Variants in ARK2C observed in about 807,000 individuals in gnomAD.
The protein encoded by ARK2C is arkadia (RNF111) C-terminal like ring finger ubiquitin ligase 2C.
chr18:46,452,622 A>T, the ARK2C span, among the ~76,000 whole-genome samples: 1 of 152,114 alleles, frequency 6.6e-6, no homozygotes, highest in African/African-American at 2.4e-5. Context: ...GCTCTACAAA[A>T]TAACATTTAT....
chr18:46,371,884 A>T, the ARK2C span, among the ~76,000 whole-genome samples: 1 of 152,204 alleles, frequency 6.6e-6, no homozygotes, highest in Non-Finnish European at 1.5e-5. Context: ...AGACTTAGAC[A>T]TAGGCTGGGA....
chr18:46,372,799 A>C, the ARK2C span, among the ~76,000 whole-genome samples: 1 of 152,246 alleles, frequency 6.6e-6, no homozygotes, highest in African/African-American at 2.4e-5. Flanking sequence ...GCCAAAATCC[A>C]TACGTTTCCT....
the ARK2C span, among the ~76,000 whole-genome samples, chr18:46,365,490 G>A: frequency 2.0e-5 from 3 of 152,084 alleles, no homozygotes; most frequent in Admixed American, 2.0e-4. Context: ...CTCATTTTGT[G>A]ATCTTGAATT....
chr18:46,451,686 TC>T, the ARK2C span, among the ~76,000 whole-genome samples: 1 of 152,160 alleles, frequency 6.6e-6, no homozygotes, highest in Non-Finnish European at 1.5e-5. Flanking sequence ...GAACTTGTAG[TC>T]CTAGTTACTA....
At chr18:46,458,244 C>G in the ARK2C span, 1 of 152,548 alleles carries the variant, frequency 6.6e-6, no homozygotes, top group Non-Finnish European at 1.5e-5. Flanking sequence ...TCCTGAACCC[C>G]AAAGGGAGCA....
At chr18:46,378,445 G>T in the ARK2C span, among the ~76,000 whole-genome samples, 7 of 152,308 alleles carry the variant, frequency 4.6e-5, no homozygotes. Flanking sequence ...CCACCGTGGA[G>T]GGGCAGCGTG....
the ARK2C span, among the ~76,000 whole-genome samples, chr18:46,341,459 G>A: frequency 1.8e-4 from 28 of 152,114 alleles, no homozygotes; most frequent in Non-Finnish European, 3.5e-4. Flanking sequence ...TTGGAGAGTA[G>A]AAGACCATGA....
At chr18:46,362,222 A>G in the ARK2C span, among the ~76,000 whole-genome samples, 1 of 152,228 alleles carries the variant, frequency 6.6e-6, no homozygotes, top group Non-Finnish European at 1.5e-5. Flanking sequence ...AGTGGGCCCT[A>G]GCAGGCCTTT....
chr18:46,404,595 A>C, the ARK2C span, among the ~76,000 whole-genome samples: 6 of 152,276 alleles, frequency 3.9e-5, no homozygotes, highest in East Asian at 1.2e-3. Context: ...TCTACTAAAA[A>C]TACCAAAATT....
chr18:46,414,646 G>A, the ARK2C span, among the ~76,000 whole-genome samples: 26 of 152,088 alleles, frequency 1.7e-4, no homozygotes, highest in African/African-American at 6.0e-4. Flanking sequence ...ATCATGCCAC[G>A]TACCACACAA....
At chr18:46,446,728 T>A in the ARK2C span, among the ~76,000 whole-genome samples, 1 of 151,314 alleles carries the variant, frequency 6.6e-6, no homozygotes, top group Non-Finnish European at 1.5e-5. Flanking sequence ...GTAAAGAAGT[T>A]TGTTCTCCAG....
the ARK2C span, among the ~76,000 whole-genome samples, chr18:46,410,337 T>C: frequency 6.6e-6 from 1 of 152,210 alleles, no homozygotes; most frequent in African/African-American, 2.4e-5. Flanking sequence ...GCTCAATGTC[T>C]TACTGGTGCT....
the ARK2C span, chr18:46,433,483 C>G: frequency 1.2e-6 from 2 of 1,609,828 alleles, no homozygotes; most frequent in Non-Finnish European, 8.5e-7. Context: ...AGCCCAGCAC[C>G]GCAGGCTGGT....
At chr18:46,437,640 A>G in the ARK2C span, among the ~76,000 whole-genome samples, 7 of 152,146 alleles carry the variant, frequency 4.6e-5, no homozygotes, top group Admixed American at 2.6e-4. Context: ...CTCAGCTGGG[A>G]ACCCTGGCCT....
At chr18:46,461,302 C>T in the ARK2C span, 7,676 of 152,230 alleles carry the variant, frequency 0.05, 279 homozygotes, top group Non-Finnish European at 0.073. Context: ...ACACAGATCC[C>T]GTGGGAAACC....
At chr18:46,359,691 G>A in the ARK2C span, among the ~76,000 whole-genome samples, 1 of 152,130 alleles carries the variant, frequency 6.6e-6, no homozygotes, top group African/African-American at 2.4e-5. Context: ...AGCAATCCAG[G>A]GCTGGTGTGG....
At chr18:46,382,741 G>C in the ARK2C span, among the ~76,000 whole-genome samples, 1 of 152,194 alleles carries the variant, frequency 6.6e-6, no homozygotes, top group African/African-American at 2.4e-5. Flanking sequence ...GGCTCATGGA[G>C]TGTCCCTCTG....
chr18:46,431,726 C>T, the ARK2C span, among the ~76,000 whole-genome samples: 2 of 152,224 alleles, frequency 1.3e-5, no homozygotes, highest in Admixed American at 1.3e-4. Context: ...AAAGTCACTG[C>T]CTTGCATGAG....
the ARK2C span, chr18:46,336,257 C>T: frequency 1.1e-5 from 11 of 985,022 alleles, no homozygotes; most frequent in Non-Finnish European, 1.3e-5. Flanking sequence ...AAATCATTAC[C>T]ATCCTCATTA....
Sources: gnomAD v4.1 joint callset for allele counts (sites outside exome capture counted in the v4.1 genomes callset) on GRCh38, gnomAD v4.1.1 for gene constraint, MANE v1.5 for transcripts, NCBI Gene and HGNC (gene_info 2026-07-23, HGNC 2026-07-21) for gene names.